The following MCTP1 variants were observed in gnomAD, a reference collection of about 807,000 sequenced individuals.
The protein encoded by MCTP1 is multiple C2 and transmembrane domain-containing protein 1.
Under a neutral mutation model 120.6 loss-of-function variants are expected in MCTP1, and 69 were observed. The ratio of observed to expected loss-of-function variants is 0.57; its 90% CI spans 0.47 to 0.70. The LOEUF (loss-of-function observed/expected upper bound fraction) is 0.70. Ranked by LOEUF, MCTP1 falls within the 30% of genes least tolerant of loss-of-function variation. MCTP1 has a pLI of 0.00. For missense variants in MCTP1, 1,203 were observed against 1,248.8 expected (o/e 0.96, Z 0.55); for synonymous variants, 529 against 493.1 (o/e 1.07, Z -0.96).
At chr5:95,019,559 G>T (rs1188236854) in intron 1 of MCTP1, among the ~76,000 whole-genome samples, 3 of 151,956 alleles carry the variant, frequency 2.0e-5, no homozygotes, top group Non-Finnish European at 4.4e-5. Context: ...TGCCACAGAG[G>T]ACTGGTGCTT....
At chr5:95,256,821 T>C (rs1044547544) in intron 1 of MCTP1, among the ~76,000 whole-genome samples, 3 of 152,092 alleles carry the variant, frequency 2.0e-5, no homozygotes, top group Non-Finnish European at 2.9e-5. Context: ...AAGTAGGACA[T>C]TTTAGGGCAC....
rs553317529 is a variant in MCTP1 at position 94,743,854 on chromosome 5, T to A, written c.2611-28968A>T. On this transcript the variant is annotated intron_variant, in intron 19 of 22. Transcript: ENST00000515393. The stretch of plus-strand genomic sequence containing the variant: ...CGGGGTTTCACCATGTTAGCCAGGA[T>A]GGTCTCGATCTTCTGACCTTGTGAT... Among the ~76,000 whole-genome samples the A allele has an allele frequency of 4.6e-5, 7 of 152,018 alleles. No homozygotes were observed. In the South Asian group the frequency reaches 1.5e-3, roughly 32 times the overall value.
chr5:95,138,693 C>T (rs1030883892), intron 1 of MCTP1, among the ~76,000 whole-genome samples: 2 of 152,154 alleles, frequency 1.3e-5, no homozygotes, highest in Admixed American at 6.5e-5. Flanking sequence ...CAGCTGCCCT[C>T]ACTCCACCGG....
At chr5:95,047,030 G>C (rs1045346998) in intron 1 of MCTP1, among the ~76,000 whole-genome samples, 1 of 152,170 alleles carries the variant, frequency 6.6e-6, no homozygotes, top group African/African-American at 2.4e-5. Flanking sequence ...CATGGATCTA[G>C]AACAATGTCT....
At chr5:94,904,022 C>T (rs890310821) in intron 10 of MCTP1, among the ~76,000 whole-genome samples, 3 of 152,132 alleles carry the variant, frequency 2.0e-5, no homozygotes, top group African/African-American at 4.8e-5. Context: ...GGGGGCAGTC[C>T]GTCTTGCCTG....
At chr5:95,011,839 C>G (rs1836031508) in intron 2 of MCTP1, among the ~76,000 whole-genome samples, 1 of 152,130 alleles carries the variant, frequency 6.6e-6, no homozygotes, top group Admixed American at 6.6e-5. Flanking sequence ...ATTGTCCCAG[C>G]TTTGGTCATT....
rs190680621 is a variant in MCTP1 at position 95,191,363 on chromosome 5, C to T, written c.720+92493G>A. Among the ~76,000 whole-genome samples the T allele has an allele frequency of 3.6e-3, 551 of 152,012 alleles. 6 individuals carry two copies. The highest frequency in any genetic ancestry group is 0.012 in the African/African-American group (508 of 41,518). Reference sequence around the variant, plus strand: ...TTTAAAAAGAAACTTCTTCGAAGTGCCCCTAGGTTTCAAACAGAAAGGTTT... The same window carrying T: ...TTTAAAAAGAAACTTCTTCGAAGTGTCCCTAGGTTTCAAACAGAAAGGTTT... On this transcript the variant is annotated intron_variant, in intron 1 of 22. Coordinates refer to ENST00000515393, the MANE Select transcript of MCTP1 (RefSeq NM_024717.7).
intron 1 of MCTP1, among the ~76,000 whole-genome samples, chr5:95,090,329 T>C (rs1755747716): frequency 6.6e-6 from 1 of 152,176 alleles, no homozygotes; most frequent in South Asian, 2.1e-4. Context: ...TTAAAAAAAA[T>C]TGGTGCTAAT....
At chr5:94,914,050 T>C (rs933704727) in intron 8 of MCTP1, among the ~76,000 whole-genome samples, 1 of 152,106 alleles carries the variant, frequency 6.6e-6, no homozygotes, top group Non-Finnish European at 1.5e-5. Flanking sequence ...TAGACTTTTA[T>C]TAAAATTTGC....
chr5:95,095,657 G>C (rs775769946), intron 1 of MCTP1, among the ~76,000 whole-genome samples: 4 of 152,168 alleles, frequency 2.6e-5, no homozygotes, highest in Admixed American at 1.3e-4. Flanking sequence ...AGGAACCCTG[G>C]TTCCAGGCTA....
intron 1 of MCTP1, among the ~76,000 whole-genome samples, chr5:95,142,877 A>G (rs1252853896): frequency 2.6e-5 from 4 of 152,232 alleles, no homozygotes; most frequent in Non-Finnish European, 4.4e-5. Flanking sequence ...CTATGTAGCT[A>G]AAGTCATGGA....
At chr5:95,118,134 G>A (rs1209269234) in intron 1 of MCTP1, among the ~76,000 whole-genome samples, 2 of 152,156 alleles carry the variant, frequency 1.3e-5, no homozygotes, top group African/African-American at 2.4e-5. Flanking sequence ...ACATTTACCT[G>A]TGTAACAAAC....
chr5:94,841,179 C>CA (rs1790952505), intron 17 of MCTP1, among the ~76,000 whole-genome samples: 1 of 152,006 alleles, frequency 6.6e-6, no homozygotes, highest in African/African-American at 2.4e-5. Flanking sequence ...ACCCAGGGAA[C>CA]GGAAACAGGA....
chr5:94,982,261 T>C (rs1447204638), intron 2 of MCTP1, among the ~76,000 whole-genome samples: 8 of 152,212 alleles, frequency 5.3e-5, no homozygotes, highest in Non-Finnish European at 1.0e-4. Context: ...ATATAAAATA[T>C]TTCCAGAATC....
At chr5:94,884,049 C>A (rs1800712406) in intron 12 of MCTP1, among the ~76,000 whole-genome samples, 1 of 152,060 alleles carries the variant, frequency 6.6e-6, no homozygotes, top group Non-Finnish European at 1.5e-5. Flanking sequence ...AATAATAAAT[C>A]CAAATCTTTG....
intron 17 of MCTP1, among the ~76,000 whole-genome samples, chr5:94,821,384 G>A (rs939311594): frequency 1.3e-5 from 2 of 152,012 alleles, no homozygotes; most frequent in African/African-American, 4.8e-5. Flanking sequence ...TCCCTTCATC[G>A]ACCTTCTGGG....
In MCTP1 at chr5:94,758,433, G is replaced by A. The variant is rs577191819; in HGVS notation, c.2610+20677C>T. On this transcript the variant is annotated intron_variant, in intron 19 of 22. Coordinates refer to ENST00000515393, the MANE Select transcript of MCTP1 (RefSeq NM_024717.7). ...TGCACTCCAGCCTGGGGGACAGAGC[G>A]AGACCCCATCTCTTAAAAAGGAGAG... is the stretch of plus-strand genomic sequence containing the variant. Among the ~76,000 whole-genome samples, 30 of 152,162 alleles carry A rather than the reference G, an allele frequency of 2.0e-4. 1 individual carries two copies. The South Asian group carries it at 5.2e-3, about 26-fold the overall frequency.
intron 10 of MCTP1, among the ~76,000 whole-genome samples, chr5:94,899,801 T>C (rs26999): frequency 0.61 from 92,164 of 152,086 alleles, 30,792 homozygotes; most frequent in African/African-American, 0.88. Flanking sequence ...CAGTGACCAA[T>C]CCATGAATAT....
At chr5:94,880,814 C>T (rs934855122) in intron 12 of MCTP1, among the ~76,000 whole-genome samples, 16 of 152,190 alleles carry the variant, frequency 1.1e-4, no homozygotes, top group African/African-American at 3.1e-4. Context: ...TGTTTCTTCA[C>T]GTCATGTATA....
Sources: allele counts gnomAD v4.1 joint callset (sites outside exome capture counted in the v4.1 genomes callset), GRCh38; gene constraint gnomAD v4.1.1; transcripts MANE v1.5; gene names NCBI Gene and HGNC (gene_info 2026-07-23, HGNC 2026-07-21).